Variants in FRMD4B observed in about 807,000 individuals in gnomAD.
The protein encoded by FRMD4B is FERM domain containing 4B.
FRMD4B carries 74 observed loss-of-function variants against 141.5 expected under a neutral mutation model. The observed-to-expected ratio is 0.52, with a 90% CI of 0.43 to 0.63. The LOEUF (loss-of-function observed/expected upper bound fraction) is 0.63. Among genes scored for constraint, FRMD4B ranks in the 30% least tolerant of loss-of-function variants. The pLI is 0.00. For missense variants in FRMD4B, 1,366 were observed against 1,253.4 expected (o/e 1.09, Z -1.36); for synonymous variants, 506 against 467.9 (o/e 1.08, Z -1.05).
At chr3:69,182,761 A>G in intron 19 of FRMD4B, 44 bp from the exon 20 acceptor site, 1 of 1,595,602 alleles carries the variant, frequency 6.3e-7, no homozygotes. Context: ...TGAGTCTCTC[A>G]ACATCTCTGG....
chr3:69,187,357 C>T (rs2092779283), intron 19 of FRMD4B, among the ~76,000 whole-genome samples: 1 of 151,478 alleles, frequency 6.6e-6, no homozygotes, highest in Middle Eastern at 3.4e-3. Context: ...ACCACCCGGA[C>T]CAACATGGAG....
At chr3:69,526,356 C>A (rs1277325760) in intron 1 of FRMD4B, among the ~76,000 whole-genome samples, 1 of 152,180 alleles carries the variant, frequency 6.6e-6, no homozygotes, top group Non-Finnish European at 1.5e-5. Context: ...TCAGGGGCTG[C>A]CTCCCATTCC....
intron 1 of FRMD4B, among the ~76,000 whole-genome samples, chr3:69,514,686 T>TTAAATAAATAAA (rs58643773): frequency 2.8e-3 from 398 of 143,150 alleles, no homozygotes; most frequent in African/African-American, 3.9e-3. Flanking sequence ...AGACTCCATC[T>TTAAATAAATAAA]TAAATAAATA....
chr3:69,384,279 T>C (rs574427331), intron 1 of FRMD4B, among the ~76,000 whole-genome samples: 81 of 152,346 alleles, frequency 5.3e-4, no homozygotes, highest in African/African-American at 1.8e-3. Flanking sequence ...GTTTCTGGAA[T>C]CTTTATTTTT....
upstream of FRMD4B, among the ~76,000 whole-genome samples, chr3:69,388,784 G>A (rs1012300764): frequency 1.1e-4 from 17 of 152,094 alleles, no homozygotes; most frequent in East Asian, 5.8e-4. Flanking sequence ...ATAACCCCCC[G>A]AATCAAGAAT....
chr3:69,374,918 T>C (rs988492715), intron 1 of FRMD4B, among the ~76,000 whole-genome samples: 6 of 152,138 alleles, frequency 3.9e-5, no homozygotes, highest in Non-Finnish European at 5.9e-5. Flanking sequence ...ATTACGTGCA[T>C]AAGAAATTAT....
At chr3:69,281,176 C>T (rs574691563) in intron 5 of FRMD4B, among the ~76,000 whole-genome samples, 38 of 152,076 alleles carry the variant, frequency 2.5e-4, no homozygotes, top group African/African-American at 8.4e-4. Flanking sequence ...TCAGGGGACC[C>T]GCCCACCTCA....
At chr3:69,403,825 AAC>A (rs149106149) in intron 2 of FRMD4B, among the ~76,000 whole-genome samples, 5 of 151,624 alleles carry the variant, frequency 3.3e-5, no homozygotes, top group African/African-American at 7.2e-5. Context: ...CCCCCACCTC[AAC>A]ACACACACAC....
intron 4 of FRMD4B, among the ~76,000 whole-genome samples, chr3:69,294,367 G>A (rs780741534): frequency 4.6e-5 from 7 of 152,332 alleles, no homozygotes; most frequent in South Asian, 2.1e-4. Flanking sequence ...AGGCTGAAGT[G>A]TAATTTAAGT....
chr3:69,458,684 C>T (rs1020557794), intron 1 of FRMD4B, among the ~76,000 whole-genome samples: 3 of 152,028 alleles, frequency 2.0e-5, no homozygotes, highest in Admixed American at 2.0e-4. Flanking sequence ...GTATTAATTA[C>T]TGAGAAGACC....
intron 1 of FRMD4B, among the ~76,000 whole-genome samples, chr3:69,448,837 T>G (rs1459018871): frequency 1.3e-5 from 2 of 152,210 alleles, no homozygotes; most frequent in Non-Finnish European, 2.9e-5. Context: ...ATGTCCACAT[T>G]TTTATTTTTT....
At chr3:69,483,026 T>C (rs1343702066) in intron 1 of FRMD4B, among the ~76,000 whole-genome samples, 1 of 152,226 alleles carries the variant, frequency 6.6e-6, no homozygotes, top group Non-Finnish European at 1.5e-5. Flanking sequence ...TAATGTTCAA[T>C]TTTAGGCTAG....
chr3:69,273,587 T>C (rs1045907203), intron 5 of FRMD4B, among the ~76,000 whole-genome samples: 2 of 152,244 alleles, frequency 1.3e-5, no homozygotes, highest in Admixed American at 1.3e-4. Flanking sequence ...TCTAATTTTA[T>C]GATTGTTACT....
chr3:69,180,170 AG>A (rs2092689440), intron 21 of FRMD4B, among the ~76,000 whole-genome samples: 3 of 146,940 alleles, frequency 2.0e-5, no homozygotes, highest in African/African-American at 7.7e-5. Context: ...CCAAGGCAGG[AG>A]GGTTGCTTGA....
intron 7 of FRMD4B, among the ~76,000 whole-genome samples, chr3:69,248,748 G>A (rs2093441919): frequency 1.3e-5 from 2 of 152,202 alleles, no homozygotes; most frequent in African/African-American, 4.8e-5. Flanking sequence ...AAGTGTCTCC[G>A]CAGCAACAAT....
intron 1 of FRMD4B, among the ~76,000 whole-genome samples, chr3:69,454,135 T>C (rs1300211134): frequency 6.6e-6 from 1 of 152,114 alleles, no homozygotes; most frequent in East Asian, 1.9e-4. Context: ...ACAGTAACAA[T>C]GAAGAAGGAG....
At chr3:69,536,522 C>A (rs1020457258) in intron 1 of FRMD4B, 12 of 699,286 alleles carry the variant, frequency 1.7e-5, no homozygotes, top group Non-Finnish European at 2.6e-5. Flanking sequence ...AGCGCCTCTA[C>A]CACCGTGCGG....
At chr3:69,456,999 G>C (rs908206964) in intron 1 of FRMD4B, among the ~76,000 whole-genome samples, 2 of 152,148 alleles carry the variant, frequency 1.3e-5, no homozygotes, top group African/African-American at 2.4e-5. Context: ...TAAATGGTAG[G>C]AGTTCGTTTT....
chr3:69,374,295 G>A lies in FRMD4B; in HGVS notation c.162+11533C>T, dbSNP rs746526418. ...CAGCTTGGCTCAAGGTCGTATAGCC[G>A]ATAAGTGATGGAGATTTTATTTTTA... On this transcript the variant is annotated intron_variant, in intron 1 of 22. Coordinates refer to ENST00000398540, the MANE Select transcript of FRMD4B (RefSeq NM_015123.3). Among the ~76,000 whole-genome samples, 7 of 152,282 alleles carry A rather than the reference G, an allele frequency of 4.6e-5. No individual in the cohort carries two copies. In the East Asian group the frequency reaches 7.7e-4, roughly 17 times the overall value.
Sources: allele counts gnomAD v4.1 joint callset (sites outside exome capture counted in the v4.1 genomes callset), GRCh38; gene constraint gnomAD v4.1.1; transcripts MANE v1.5; gene names NCBI Gene and HGNC (gene_info 2026-07-23, HGNC 2026-07-21).